The following OTOGL variants were observed in gnomAD, a reference collection of about 807,000 sequenced individuals.
The protein encoded by OTOGL is otogelin-like protein.
OTOGL carries 285 observed loss-of-function variants against 318.5 expected under a neutral mutation model. The ratio of observed to expected loss-of-function variants is 0.89; its 90% confidence interval spans 0.81 to 0.99. The LOEUF is 0.99. Ranked by LOEUF, OTOGL falls within the 50% of genes least tolerant of loss-of-function variation. The pLI is 0.00. For synonymous variants in OTOGL, 987 were observed against 936.5 expected (o/e 1.05, Z -0.99); for missense variants, 2,899 against 2,845.6 (o/e 1.02, Z -0.43).
intron 1 of OTOGL, among the ~76,000 whole-genome samples, chr12:80,207,335 G>A (rs1305577600): frequency 6.6e-6 from 1 of 152,036 alleles, no homozygotes; most frequent in Non-Finnish European, 1.5e-5. Flanking sequence ...CTAAGTAGCT[G>A]GTATTACAGG....
intron 23 of OTOGL, 70 bp from the exon 24 acceptor site, chr12:80,271,578 A>G: frequency 3.5e-6 from 5 of 1,432,240 alleles, no homozygotes; most frequent in Non-Finnish European, 4.7e-6. Flanking sequence ...TATTTTATGA[A>G]TTTTGGTGTT....
intron 18 of OTOGL, among the ~76,000 whole-genome samples, chr12:80,260,619 TATTA>T (rs1320144270): frequency 4.6e-5 from 7 of 152,302 alleles, no homozygotes; most frequent in South Asian, 4.1e-4. Flanking sequence ...GAATAGAAAA[TATTA>T]ATTACTTGAA....
chr12:80,310,510 A>G, intron 29 of OTOGL, 101 bp from the exon 30 acceptor site: 1 of 717,526 alleles, frequency 1.4e-6, no homozygotes, highest in Non-Finnish European at 2.3e-6. Flanking sequence ...AAGGATGAGA[A>G]TATATTAGGC....
chr12:80,372,513 T>G (rs949443753), intron 57 of OTOGL, among the ~76,000 whole-genome samples: 1 of 152,132 alleles, frequency 6.6e-6, no homozygotes, highest in African/African-American at 2.4e-5. Context: ...ATGGGTGCAG[T>G]ATTTTTCAAA....
At position 80,328,733 on chromosome 12, in the gene OTOGL, A is replaced by T. The variant is rs890818562; in HGVS notation, c.4268A>T (p.Tyr1423Phe). Residue 1423 changes from tyrosine (Y) to phenylalanine (F), a missense_variant, in exon 36 of 59, where the codon TAT (tyrosine) becomes TTT (phenylalanine). By Grantham distance (22) the Tyr-to-Phe change is conservative. Coordinates refer to ENST00000547103, the MANE Select transcript of OTOGL (RefSeq NM_001378609.3). The stretch of plus-strand genomic sequence containing the variant: ...GATGAGGTCACCCTCAAGTGTGTTT[A>T]TCCACGAGACTGTAAGTGTGAACGT... ...ILDEVTLKCV[Y>F]PRDCIPVIPT... is the part of the protein sequence containing the mutation. 5.6e-6 allele frequency: 9 copies of T among 1,597,856 alleles called. No individual in the cohort carries two copies. In the African/African-American group the frequency reaches 9.4e-5, roughly 17 times the overall value.
chr12:80,284,936 T>C (rs999869480), intron 26 of OTOGL, among the ~76,000 whole-genome samples: 4 of 152,114 alleles, frequency 2.6e-5, no homozygotes, highest in African/African-American at 9.6e-5. Flanking sequence ...GGTGTTTTAG[T>C]CATGAAGGCT....
intron 1 of OTOGL, among the ~76,000 whole-genome samples, chr12:80,125,152 C>A (rs184774406): frequency 8.5e-4 from 129 of 152,330 alleles, no homozygotes; most frequent in African/African-American, 3.0e-3. Context: ...TCTGCCCATT[C>A]AGTATGATAT....
At chr12:80,173,616 C>T (rs981064975) in intron 1 of OTOGL, among the ~76,000 whole-genome samples, 4 of 152,160 alleles carry the variant, frequency 2.6e-5, no homozygotes. Flanking sequence ...ATTGTGCTGA[C>T]ATCCTATCTC....
chr12:80,298,998 A>G (rs1885588530), intron 27 of OTOGL, among the ~76,000 whole-genome samples: 1 of 152,204 alleles, frequency 6.6e-6, no homozygotes, highest in Non-Finnish European at 1.5e-5. Context: ...TGGTCTCCAA[A>G]CATTCATTAA....
chr12:80,129,293 T>G (rs187679387), intron 1 of OTOGL, among the ~76,000 whole-genome samples: 1 of 152,350 alleles, frequency 6.6e-6, no homozygotes, highest in East Asian at 1.9e-4. Context: ...GCTTCCATAT[T>G]GAACAAAACC....
intron 52 of OTOGL, among the ~76,000 whole-genome samples, chr12:80,365,542 G>T (rs1310372569): frequency 6.6e-6 from 1 of 152,226 alleles, no homozygotes; most frequent in South Asian, 2.1e-4. Context: ...AAAAGAGTTA[G>T]TGTAAGCCTA....
Position 80,222,225 on chromosome 12 carries a change from G to A in OTOGL, c.469G>A (p.Glu157Lys). ...YIFAKDCGDL[E>K]PRYTVWVHNS... is the part of the protein sequence containing the mutation. Reference sequence around the variant, plus strand: ...TTTTGCAAAGGACTGTGGTGATTTGGAGCCTCGGTACACTGTATGGGTAGG... The same window carrying A: ...TTTTGCAAAGGACTGTGGTGATTTGAAGCCTCGGTACACTGTATGGGTAGG... Residue 157 changes from glutamate to lysine, a missense_variant, in exon 7 of 59, where the codon GAG becomes AAG. Physicochemically the swap from Glu to Lys is moderately conservative, Grantham distance 56 (BLOSUM62 1). This residue lies in a region of OTOGL where 2,607 missense variants were observed against 2,524.9 expected (regional missense o/e 1.03). Coordinates refer to ENST00000547103, the MANE Select transcript of OTOGL (RefSeq NM_001378609.3). 6.3e-7 allele frequency: 1 copy of A among 1,597,004 alleles called. No individual in the cohort carries two copies. Among genetic ancestry groups the A allele is most frequent in the Non-Finnish European group, 8.5e-7 (1 of 1,177,740 alleles).
In OTOGL at chr12:80,336,937, T is replaced by G. The variant is rs1253592201; in HGVS notation, c.4793T>G (p.Leu1598Arg). ...GCTCCCTCTGGAAGAATCTCTGGACTTTGTTTTAAGAAGTTAAATGTGACA... is the reference window on the plus strand; with the variant it reads ...GCTCCCTCTGGAAGAATCTCTGGACGTTGTTTTAAGAAGTTAAATGTGACA... ...KLAPSGRISG[L>R]CFKKLNVTTP... Residue 1598 changes from leucine to arginine, a missense_variant, in exon 42 of 59, where the codon CTT becomes CGT. By Grantham distance (102) the Leu-to-Arg change is moderately radical. Coordinates refer to ENST00000547103, the MANE Select transcript of OTOGL (RefSeq NM_001378609.3). 1 of 1,593,526 alleles carries G rather than the reference T, an allele frequency of 6.3e-7. No individual in the cohort carries two copies. The highest frequency in any genetic ancestry group is 2.3e-5 in the East Asian group (1 of 44,330).
At chr12:80,142,057 C>G (rs1411739956) in intron 1 of OTOGL, among the ~76,000 whole-genome samples, 2 of 151,906 alleles carry the variant, frequency 1.3e-5, no homozygotes, top group African/African-American at 4.8e-5. Flanking sequence ...CTTAGTGTAC[C>G]AAATGGGAGA....
intron 1 of OTOGL, among the ~76,000 whole-genome samples, chr12:80,151,717 T>C (rs1409229490): frequency 1.3e-5 from 2 of 152,136 alleles, no homozygotes; most frequent in Non-Finnish European, 2.9e-5. Context: ...ATGATGGTGG[T>C]GAGAGGCAAA....
At chr12:80,215,169 T>C (rs1048080513) in intron 4 of OTOGL, among the ~76,000 whole-genome samples, 1 of 150,008 alleles carries the variant, frequency 6.7e-6, no homozygotes, top group African/African-American at 2.4e-5. Context: ...TACAAGTCTT[T>C]TTTTTTTTTT....
intron 4 of OTOGL, among the ~76,000 whole-genome samples, chr12:80,214,787 A>G (rs370750173): frequency 6.6e-6 from 1 of 152,178 alleles, no homozygotes; most frequent in Non-Finnish European, 1.5e-5. Flanking sequence ...TTTCTGTGCA[A>G]TTGGTTCATT....
At chr12:80,226,192 A>G (rs1878830882) in intron 7 of OTOGL, among the ~76,000 whole-genome samples, 1 of 148,794 alleles carries the variant, frequency 6.7e-6, no homozygotes, top group Non-Finnish European at 1.5e-5. Context: ...ACACACACAC[A>G]CACACACACA....
intron 27 of OTOGL, among the ~76,000 whole-genome samples, chr12:80,299,020 A>C (rs1203672722): frequency 6.6e-6 from 1 of 152,184 alleles, no homozygotes; most frequent in East Asian, 1.9e-4. Context: ...ATCATGTGGA[A>C]TTTTTCTTGT....
Sources: allele counts gnomAD v4.1 joint callset (sites outside exome capture counted in the v4.1 genomes callset), GRCh38; gene constraint gnomAD v4.1.1; regional missense constraint gnomAD v4.1.1; transcripts MANE v1.5; gene names NCBI Gene and HGNC (gene_info 2026-07-23, HGNC 2026-07-21).